Variants in MCMDC2 observed in about 807,000 individuals in gnomAD.
MCMDC2 encodes minichromosome maintenance domain-containing protein 2.
Under a neutral mutation model 75.8 loss-of-function variants are expected in MCMDC2, and 54 were observed. The observed-to-expected ratio is 0.71, with a 90% confidence interval of 0.57 to 0.89. MCMDC2 has a LOEUF of 0.89. Among genes scored for constraint, MCMDC2 ranks in the 40% least tolerant of loss-of-function variants. The probability of loss-of-function intolerance (pLI) is 0.00; values close to 1 mark genes in which losing one functional copy is unlikely to be tolerated. For synonymous variants in MCMDC2, 249 were observed against 274.6 expected, an observed-to-expected ratio of 0.91 and a Z score of 0.92; for missense variants, 656 against 780.4, an observed-to-expected ratio of 0.84 and a Z score of 1.90.
chr8:66,884,184 C>T (rs1305710278), intron 9 of MCMDC2, 190 bp downstream of exon 9: 3 of 577,986 alleles, frequency 5.2e-6, no homozygotes, highest in East Asian at 2.8e-5. Flanking sequence ...TGAATTACTC[C>T]AATTTTCAAC....
chr8:66,916,074 G>A (rs1813305610), intron 14 of MCMDC2, among the ~76,000 whole-genome samples: 1 of 152,096 alleles, frequency 6.6e-6, no homozygotes, highest in Admixed American at 6.6e-5. Flanking sequence ...AGCACACATA[G>A]ACAAACTATG....
chr8:66,873,196 A>C (rs1431709180), intron 1 of MCMDC2, among the ~76,000 whole-genome samples: 1 of 152,030 alleles, frequency 6.6e-6, no homozygotes, highest in African/African-American at 2.4e-5. Context: ...TTCTTTACTC[A>C]TTACTGTGGT....
chr8:66,924,472 T>C (rs990212050), downstream of MCMDC2, among the ~76,000 whole-genome samples: 3 of 151,722 alleles, frequency 2.0e-5, no homozygotes, highest in African/African-American at 7.3e-5. Flanking sequence ...CCGTCTCTAC[T>C]AGAAATACAA....
At chr8:66,885,030 A>G (rs1811769572) in intron 9 of MCMDC2, among the ~76,000 whole-genome samples, 1 of 152,032 alleles carries the variant, frequency 6.6e-6, no homozygotes, top group Admixed American at 6.6e-5. Flanking sequence ...CTCATTATCC[A>G]ACTTTAAAAT....
intron 12 of MCMDC2, among the ~76,000 whole-genome samples, chr8:66,899,575 A>G (rs1812533581): frequency 6.6e-6 from 1 of 151,976 alleles, no homozygotes; most frequent in African/African-American, 2.4e-5. Context: ...GGCTCATTGC[A>G]ACCTCCGCCT....
chr8:66,873,269 T>A (rs1317175431), intron 1 of MCMDC2, among the ~76,000 whole-genome samples: 2 of 152,192 alleles, frequency 1.3e-5, no homozygotes, highest in East Asian at 1.9e-4. Context: ...AATCATCTGA[T>A]ACAACACTTT....
chr8:66,901,685 A>C (rs1449201502), intron 13 of MCMDC2: 1 of 993,332 alleles, frequency 1.0e-6, no homozygotes, highest in East Asian at 1.0e-4. Flanking sequence ...TAATCCCAGC[A>C]CTTTGGGAGT....
At chr8:66,872,804 A>T (rs1383803855) in intron 1 of MCMDC2, among the ~76,000 whole-genome samples, 1 of 152,048 alleles carries the variant, frequency 6.6e-6, no homozygotes, top group Non-Finnish European at 1.5e-5. Flanking sequence ...CTAAAAATAC[A>T]AAAATTAGCT....
At chr8:66,878,347 A>C (rs541337511) in intron 5 of MCMDC2, among the ~76,000 whole-genome samples, 2 of 152,356 alleles carry the variant, frequency 1.3e-5, no homozygotes, top group South Asian at 4.1e-4. Context: ...CCTTGCAAAA[A>C]ACAGCTGTTA....
downstream of MCMDC2, among the ~76,000 whole-genome samples, chr8:66,923,534 AAGTTTC>A (rs1285250816): frequency 6.6e-6 from 1 of 152,178 alleles, no homozygotes. Flanking sequence ...GAAACAAAAA[AAGTTTC>A]AGTTTAATAT....
intron 14 of MCMDC2, among the ~76,000 whole-genome samples, chr8:66,918,187 C>CTCCGCCT (rs1813390930): frequency 6.6e-6 from 1 of 152,176 alleles, no homozygotes; most frequent in East Asian, 1.9e-4. Context: ...GCTTATTGGT[C>CTCCGCCT]ATTTGTTTTT....
chr8:66,890,908 C>CA lies in MCMDC2; in HGVS notation c.1118dup (p.His373GlnfsTer6). On this transcript the variant is annotated frameshift_variant, in exon 10 of 15. Coordinates refer to ENST00000422365, the MANE Select transcript of MCMDC2 (RefSeq NM_173518.5). LOFTEE classifies it high-confidence loss of function. ...AAACCTTGTCCCCCGTGGTATACGTCATCTAGTCTCTACTGAAATTTTTCC... is the reference window on the plus strand; with the variant it reads ...AAACCTTGTCCCCCGTGGTATACGTCAATCTAGTCTCTACTGAAATTTTTCC... 1.2e-6 allele frequency: 2 copies of CA among 1,613,476 alleles called. No individual in the cohort carries two copies. Among genetic ancestry groups the CA allele is most frequent in the South Asian group, 2.2e-5 (2 of 90,784 alleles).
chr8:66,877,801 G>A (rs1811364727), intron 5 of MCMDC2, among the ~76,000 whole-genome samples: 1 of 150,724 alleles, frequency 6.6e-6, no homozygotes, highest in Non-Finnish European at 1.5e-5. Flanking sequence ...GGAGGTCGGG[G>A]CTGCAGTGAG....
intron 14 of MCMDC2, among the ~76,000 whole-genome samples, chr8:66,910,591 C>G (rs1039696250): frequency 1.3e-5 from 2 of 152,152 alleles, no homozygotes; most frequent in Non-Finnish European, 2.9e-5. Flanking sequence ...GGGTGGATCA[C>G]CTGAGGTCAG....
intron 5 of MCMDC2, among the ~76,000 whole-genome samples, chr8:66,878,334 G>C (rs1038009392): frequency 1.6e-4 from 24 of 152,318 alleles, no homozygotes; most frequent in African/African-American, 5.1e-4. Context: ...CCTTAGCACA[G>C]TGCCTTGCAA....
chr8:66,903,245 T>G (rs1248473329), intron 13 of MCMDC2, among the ~76,000 whole-genome samples: 1 of 152,242 alleles, frequency 6.6e-6, no homozygotes, highest in Non-Finnish European at 1.5e-5. Context: ...TGACTTCTAC[T>G]TGGCTTATCT....
intron 1 of MCMDC2, among the ~76,000 whole-genome samples, 181 bp from the exon 2 acceptor site, chr8:66,873,872 G>A (rs1007026284): frequency 1.3e-5 from 2 of 151,754 alleles, no homozygotes; most frequent in Admixed American, 1.3e-4. Flanking sequence ...GGGCAACAGA[G>A]CGAGACTCCA....
chr8:66,924,035 G>A (rs374812650), downstream of MCMDC2, among the ~76,000 whole-genome samples: 2 of 152,148 alleles, frequency 1.3e-5, no homozygotes, highest in South Asian at 2.1e-4. Flanking sequence ...CCTAGTATTG[G>A]TAATATTATA....
At position 66,878,820 on chromosome 8, in the gene MCMDC2, CAAATAGTTG is replaced by C. The variant is rs1563368786; in HGVS notation, c.616_624del (p.Val206_Ile208del). The C allele has an allele frequency of 1.0e-5, 16 of 1,594,792 alleles. No homozygotes were observed. Among genetic ancestry groups the C allele is most frequent in the African/African-American group, 1.4e-5 (1 of 74,072 alleles). On this transcript the variant is annotated inframe_deletion, in exon 7 of 15. Transcript: ENST00000422365. ...TTTTTGCTCTTTGCTTTAAGATAAA[CAAATAGTTG>C]AAATAATTGCCACAAAGGCACTTCG...
Sources: allele counts gnomAD v4.1 joint callset (sites outside exome capture counted in the v4.1 genomes callset), GRCh38; gene constraint gnomAD v4.1.1; transcripts MANE v1.5; gene names NCBI Gene and HGNC (gene_info 2026-07-23, HGNC 2026-07-21).